ZNF74: variants seen among roughly 807,000 people sequenced by gnomAD.
The protein encoded by ZNF74 is zinc finger protein 74, also known as zinc finger protein 520.
A neutral mutation model predicts 17.7 loss-of-function variants in ZNF74; 12 were observed. That is an observed-to-expected ratio of 0.68 (90% CI 0.43 to 1.10). ZNF74 has a LOEUF of 1.10. ZNF74 is among the 50% of genes least tolerant of loss of function. The probability of loss-of-function intolerance (pLI) is 0.00; values close to 1 mark genes in which losing one functional copy is unlikely to be tolerated. For synonymous variants in ZNF74, 358 were observed against 362.1 expected (o/e 0.99, Z 0.13); for missense variants, 811 against 881.0 (o/e 0.92, Z 1.01).
At chr22:20,397,899 G>C (rs1045651290) in intron 2 of ZNF74, among the ~76,000 whole-genome samples, 1 of 152,030 alleles carries the variant, frequency 6.6e-6, no homozygotes, top group Non-Finnish European at 1.5e-5. Context: ...CCTTTTCCCC[G>C]CATCTTCACA....
chr22:20,396,890 T>G (rs748121256), intron 2 of ZNF74, among the ~76,000 whole-genome samples: 1 of 152,128 alleles, frequency 6.6e-6, no homozygotes, highest in African/African-American at 2.4e-5. Context: ...TGCAGAATGA[T>G]GACACATTAG....
At chr22:20,395,081 CATTT>C in intron 1 of ZNF74, 1 of 471,764 alleles carries the variant, frequency 2.1e-6, no homozygotes, top group East Asian at 3.5e-5. Flanking sequence ...CGCGCCCAAT[CATTT>C]GTTCCCACTC....
rs755684434 is a variant in ZNF74, at chr22:20,405,993, C to T, written c.960C>T (p.Asn320=). The change falls in exon 5 of 5, where the codon AAC becomes AAT. Residue 320 remains asparagine, a synonymous_variant. Coordinates refer to ENST00000400451, the MANE Select transcript of ZNF74 (RefSeq NM_003426.4). The stretch of plus-strand genomic sequence containing the variant: ...CCTTCAGCTGCCACTCGTCCCTCAA[C>T]GTGCACCAGCGCATCCACACGGGCG... The part of the protein sequence containing the change: ...GKAFSCHSSL[N]VHQRIHTGER... 1.9e-6 allele frequency: 3 copies of T among 1,613,426 alleles called. No individual in the cohort carries two copies. The highest frequency in any genetic ancestry group is 4.5e-5 in the East Asian group (2 of 44,842).
chr22:20,401,501 C>A lies in ZNF74; in HGVS notation c.343+129C>A. ...CCCTTTTCAGGTCCCCCGCCAGACCCTCCTGCCTGCCTCCCTTCAGCACGT... is the reference window on the plus strand; with the variant it reads ...CCCTTTTCAGGTCCCCCGCCAGACCATCCTGCCTGCCTCCCTTCAGCACGT... On this transcript the variant is annotated intron_variant, in intron 4 of 4. Coordinates refer to ENST00000400451, the MANE Select transcript of ZNF74 (RefSeq NM_003426.4). This position sits in a 1 kb window ranked among gnomAD's most constrained non-coding sequence, Gnocchi z 4.2. 1.5e-6 allele frequency: 1 copy of A among 654,666 alleles called. No homozygotes were observed. 40.6% of individuals were successfully genotyped at this position (654,666 alleles called of 1,614,324 possible). A position where few individuals can be genotyped will look rare whatever the true frequency, so the allele number is the denominator to read the frequency against.
At chr22:20,405,257 G>T in intron 4 of ZNF74, 120 bp from the exon 5 acceptor site, 2 of 1,073,978 alleles carry the variant, frequency 1.9e-6, no homozygotes, top group Non-Finnish European at 2.7e-6. Flanking sequence ...TTCCAGCCTT[G>T]GCCCTGGTGG....
chr22:20,397,498 C>T lies in ZNF74; in HGVS notation c.120+2080C>T, dbSNP rs183130451. Among the ~76,000 whole-genome samples, 12 of 152,272 alleles carry T rather than the reference C, an allele frequency of 7.9e-5. No individual in the cohort carries two copies. In the East Asian group the frequency reaches 1.5e-3, roughly 20 times the overall value. ...CCAGCACCACAATCATGATATGGGA[C>T]GTTTCCATGACCCAAAAATGTCCTC... On this transcript the variant is annotated intron_variant, in intron 2 of 4. Coordinates refer to ENST00000400451, the MANE Select transcript of ZNF74 (RefSeq NM_003426.4).
At chr22:20,399,548 T>C (rs1267165944) in intron 2 of ZNF74, 1 of 399,876 alleles carries the variant, frequency 2.5e-6, no homozygotes, top group Admixed American at 3.3e-5. Context: ...GTGTAATTAT[T>C]AATATGGTTG....
At chr22:20,404,936 T>C (rs1457114890) in intron 4 of ZNF74, among the ~76,000 whole-genome samples, 1 of 152,170 alleles carries the variant, frequency 6.6e-6, no homozygotes, top group Non-Finnish European at 1.5e-5. Context: ...CGAGACTCGG[T>C]CTCAAAACAA....
rs1255960007 is a variant in ZNF74, at chr22:20,407,400, T to C, written c.*432T>C. The C allele has an allele frequency of 5.9e-6, 1 of 169,406 alleles. No homozygotes were observed. Among genetic ancestry groups the C allele is most frequent in the Non-Finnish European group, 1.3e-5 (1 of 78,682 alleles). The allele number at this position is 169,406 out of a possible 1,614,324, so 10.5% of individuals were successfully genotyped here. ...GGTGAGACCTCGTCTCTACAAAAAA[T>C]GCAAAAATTAGCCAGATGTGGCGGC... On this transcript the variant is annotated 3_prime_UTR_variant, in exon 5 of 5. Coordinates refer to ENST00000400451, the MANE Select transcript of ZNF74 (RefSeq NM_003426.4).
In ZNF74 at chr22:20,406,798, A is replaced by G. The variant is rs777401611; in HGVS notation, c.1765A>G (p.Asn589Asp). The change falls in exon 5 of 5, where the codon AAC (asparagine) becomes GAC (aspartate). Residue 589 changes from asparagine (N) to aspartate (D), a missense_variant. Physicochemically the swap from Asn to Asp is conservative, Grantham distance 23. Coordinates refer to ENST00000400451, the MANE Select transcript of ZNF74 (RefSeq NM_003426.4). ...SEGKPLAIQF[N>D]KHLLSTYYVP... is the part of the protein sequence containing the mutation. ...GGGGAAGCCCTTGGCCATCCAGTTC[A>G]ACAAACACCTGCTCAGCACATACTA... 6.2e-7 allele frequency: 1 copy of G among 1,614,106 alleles called. No homozygotes were observed. Among genetic ancestry groups the G allele is most frequent in the South Asian group, 1.1e-5 (1 of 91,088 alleles).
chr22:20,405,822 C>T lies in ZNF74; in HGVS notation c.789C>T (p.Leu263=). The change falls in exon 5 of 5, where the codon CTC becomes CTT. Residue 263 remains leucine (L), a synonymous_variant. Transcript: ENST00000400451. ...CGKAFRQSSS[L]TLHRRWHSRE... The stretch of plus-strand genomic sequence containing the variant: ...AGGCGTTCCGCCAGAGCTCCTCCCT[C>T]ACGCTGCACCGGCGCTGGCACAGCC... 1 of 1,613,362 alleles carries T rather than the reference C, an allele frequency of 6.2e-7. No individual in the cohort carries two copies. The highest frequency in any genetic ancestry group is 8.5e-7 in the Non-Finnish European group (1 of 1,179,894).
Position 20,407,193 on chromosome 22 carries a change from T to G in ZNF74, c.*225T>G, listed in dbSNP as rs763765018. 57 of 596,578 alleles carry G rather than the reference T, an allele frequency of 9.6e-5. No homozygotes were observed. Among genetic ancestry groups the G allele is most frequent in the Non-Finnish European group, 1.4e-4 (51 of 357,236 alleles). 37.0% of individuals were successfully genotyped at this position (596,578 alleles called of 1,614,324 possible). A position where few individuals can be genotyped will look rare whatever the true frequency, so the allele number is the denominator to read the frequency against. ...GAGTGTTGAGAGTCATTTGAGGTAG[T>G]CTTGCCACCTGTTTTCCTTGATGGG... On this transcript the variant is annotated 3_prime_UTR_variant, in exon 5 of 5. Transcript: ENST00000400451.
Position 20,406,763 on chromosome 22 carries a change from T to C in ZNF74, c.1730T>C (p.Leu577Pro). ...TCGCACCTCACTGAGCACCAGAGGCTGCACAGCGAGGGGAAGCCCTTGGCC... is the reference window on the plus strand; with the variant it reads ...TCGCACCTCACTGAGCACCAGAGGCCGCACAGCGAGGGGAAGCCCTTGGCC... The part of the protein sequence containing the change: ...WSSHLTEHQR[L>P]HSEGKPLAIQ... The change falls in exon 5 of 5, where the codon CTG becomes CCG. Residue 577 changes from leucine (L) to proline (P), a missense_variant. By Grantham distance (98) the Leu-to-Pro change is moderately conservative. Coordinates refer to ENST00000400451, the MANE Select transcript of ZNF74 (RefSeq NM_003426.4). 6.2e-7 allele frequency: 1 copy of C among 1,614,170 alleles called. No individual in the cohort carries two copies. Among genetic ancestry groups the C allele is most frequent in the Non-Finnish European group, 8.5e-7 (1 of 1,180,038 alleles).
At position 20,401,506 on chromosome 22, in the gene ZNF74, G is replaced by C. The variant is rs1010867820; in HGVS notation, c.343+134G>C. ...TTCAGGTCCCCCGCCAGACCCTCCT[G>C]CCTGCCTCCCTTCAGCACGTACTGA... On this transcript the variant is annotated intron_variant, in intron 4 of 4. Transcript: ENST00000400451. This position sits in a 1 kb window ranked among gnomAD's most constrained non-coding sequence, Gnocchi z 4.2. 10 of 649,660 alleles carry C rather than the reference G, an allele frequency of 1.5e-5. No homozygotes were observed. The highest frequency in any genetic ancestry group is 4.2e-4 in the Middle Eastern group (1 of 2,402). 40.2% of individuals were successfully genotyped at this position (649,660 alleles called of 1,614,324 possible).
At chr22:20,402,186 G>A (rs9610170) in intron 4 of ZNF74, among the ~76,000 whole-genome samples, 21,203 of 152,094 alleles carry the variant, frequency 0.14, 1,559 homozygotes, top group Middle Eastern at 0.17. Flanking sequence ...CAGAACACGG[G>A]GGTCGGGGAA....
In ZNF74 at chr22:20,400,409, C is replaced by CAA. The variant is rs2052343744; in HGVS notation, c.121-222_121-221dup. 7.3e-6 allele frequency: 4 copies of CAA among 548,806 alleles called. No homozygotes were observed. In the Admixed American group the frequency reaches 1.2e-4, roughly 16 times the overall value. The allele number at this position is 548,806 out of a possible 1,614,324, so 34.0% of individuals were successfully genotyped here. On this transcript the variant is annotated intron_variant, in intron 2 of 4. Transcript: ENST00000400451. ...TGGTGTCTATTCAGACCTGCTTTCC[C>CAA]AATCTAGAAGGTGGTGTGGGAATGC...
At position 20,405,789 on chromosome 22, in the gene ZNF74, G is replaced by A. The variant is rs890337687; in HGVS notation, c.756G>A (p.Glu252=). 5.0e-6 allele frequency: 8 copies of A among 1,611,774 alleles called. No individual in the cohort carries two copies. The highest frequency in any genetic ancestry group is 2.2e-5 in the East Asian group (1 of 44,854). Residue 252 remains glutamate (E), a synonymous_variant, in exon 5 of 5, where the codon GAG becomes GAA. Coordinates refer to ENST00000400451, the MANE Select transcript of ZNF74 (RefSeq NM_003426.4). Reference sequence around the variant, plus strand: ...GGGAGGGCGAGTTCGTGTGCGGCGAGTGCGGGAAGGCGTTCCGCCAGAGCT... The same window carrying A: ...GGGAGGGCGAGTTCGTGTGCGGCGAATGCGGGAAGGCGTTCCGCCAGAGCT... ...GAGEGEFVCG[E]CGKAFRQSSS...
Position 20,407,326 on chromosome 22 carries a change from G to C in ZNF74, c.*358G>C. ...AATCTTAACACTGTGGGAGGCCAAG[G>C]CAAGGGGATCACTTGAGCCCAGGAG... On this transcript the variant is annotated 3_prime_UTR_variant, in exon 5 of 5. Transcript: ENST00000400451. 1 of 230,686 alleles carries C rather than the reference G, an allele frequency of 4.3e-6. No individual in the cohort carries two copies. The highest frequency in any genetic ancestry group is 8.6e-6 in the Non-Finnish European group (1 of 116,928). The allele number at this position is 230,686 out of a possible 1,614,324, so 14.3% of individuals were successfully genotyped here.
intron 1 of ZNF74, chr22:20,395,105 T>A: frequency 2.1e-6 from 1 of 483,728 alleles, no homozygotes; most frequent in East Asian, 3.4e-5. Flanking sequence ...CAGACGTGCT[T>A]GATTGGGGGT....
Sources: allele counts gnomAD v4.1 joint callset (sites outside exome capture counted in the v4.1 genomes callset), GRCh38; gene constraint gnomAD v4.1.1; non-coding constraint Gnocchi (gnomAD v3.1); transcripts MANE v1.5; gene names NCBI Gene and HGNC (gene_info 2026-07-23, HGNC 2026-07-21).